The following CSMD1 variants were observed in gnomAD, a reference collection of about 807,000 sequenced individuals.
CSMD1 encodes CUB and sushi domain-containing protein 1.
A neutral mutation model predicts 417.5 loss-of-function variants in CSMD1; 213 were observed. That is an observed-to-expected ratio of 0.51 (90% confidence interval 0.46 to 0.57). The LOEUF (loss-of-function observed/expected upper bound fraction) is 0.57. CSMD1 is among the 20% of genes least tolerant of loss of function. CSMD1 has a pLI of 0.00. For missense variants in CSMD1, 6,923 were observed against 4,529.7 expected, an observed-to-expected ratio of 1.53 and a Z score of -15.17; for synonymous variants, 2,862 against 1,736.8, an observed-to-expected ratio of 1.65 and a Z score of -16.11.
At chr8:3,218,086 G>A (rs1201646480) in intron 29 of CSMD1, among the ~76,000 whole-genome samples, 4 of 152,096 alleles carry the variant, frequency 2.6e-5, no homozygotes, top group South Asian at 2.1e-4. Context: ...GGTTTTTCAG[G>A]TCAGTCTGTT....
chr8:3,694,818 C>T (rs764709162), intron 7 of CSMD1, among the ~76,000 whole-genome samples: 2 of 151,828 alleles, frequency 1.3e-5, no homozygotes, highest in African/African-American at 2.4e-5. Flanking sequence ...GCCAGGGGAA[C>T]GCGGCAAGGA....
At chr8:4,183,165 G>C (rs934740440) in intron 3 of CSMD1, among the ~76,000 whole-genome samples, 1 of 152,082 alleles carries the variant, frequency 6.6e-6, no homozygotes, top group African/African-American at 2.4e-5. Context: ...ATGCGTAAGT[G>C]CAGTATAGCC....
chr8:4,329,403 C>G (rs113255330), intron 3 of CSMD1, among the ~76,000 whole-genome samples: 1 of 152,154 alleles, frequency 6.6e-6, no homozygotes, highest in East Asian at 1.9e-4. Flanking sequence ...ATTCTCCCAC[C>G]GCAGCCTCCC....
At chr8:3,541,418 C>G (rs10102179) in intron 10 of CSMD1, among the ~76,000 whole-genome samples, 2 of 151,942 alleles carry the variant, frequency 1.3e-5, no homozygotes, top group Non-Finnish European at 2.9e-5. Flanking sequence ...ATAGCTAATA[C>G]GTGTGGGGCT....
In CSMD1 at chr8:4,938,734, G is replaced by C. The variant is rs78370883; in HGVS notation, c.85+55598C>G. On this transcript the variant is annotated intron_variant, in intron 1 of 69. Coordinates refer to ENST00000635120, the MANE Select transcript of CSMD1 (RefSeq NM_033225.6). Reference sequence around the variant, plus strand: ...TCATGATAAATTCGATCTGAAATCTGAGAATGGGAAGGTTAAAAAGTGTGT... The same window carrying C: ...TCATGATAAATTCGATCTGAAATCTCAGAATGGGAAGGTTAAAAAGTGTGT... 1.8e-3 allele frequency among the ~76,000 whole-genome samples: 275 copies of C among 152,352 alleles called. 5 individuals carry two copies. In the East Asian group the frequency reaches 0.046, roughly 26 times the overall value.
At chr8:3,588,508 C>A (rs1411077196) in intron 8 of CSMD1, among the ~76,000 whole-genome samples, 2 of 151,988 alleles carry the variant, frequency 1.3e-5, no homozygotes, top group African/African-American at 4.8e-5. Flanking sequence ...AGCATTGCTT[C>A]AACTTAGCAA....
intron 2 of CSMD1, among the ~76,000 whole-genome samples, chr8:4,459,730 G>C (rs1457949270): frequency 6.6e-6 from 1 of 152,146 alleles, no homozygotes; most frequent in Non-Finnish European, 1.5e-5. Context: ...GAAGCAATCA[G>C]GTGGAAATTT....
At chr8:4,386,899 T>C (rs138895976) in intron 3 of CSMD1, among the ~76,000 whole-genome samples, 44 of 152,338 alleles carry the variant, frequency 2.9e-4, no homozygotes, top group African/African-American at 8.4e-4. Context: ...GTATCATGAA[T>C]AGTTAAAAGG....
chr8:4,562,482 T>A (rs905253954), intron 2 of CSMD1, among the ~76,000 whole-genome samples: 1 of 152,174 alleles, frequency 6.6e-6, no homozygotes, highest in East Asian at 1.9e-4. Flanking sequence ...TCATTAGAAA[T>A]CTTATCAGTC....
At position 4,959,902 on chromosome 8, in the gene CSMD1, C is replaced by T. The variant is rs143722802; in HGVS notation, c.85+34430G>A. Among the ~76,000 whole-genome samples the T allele has an allele frequency of 5.5e-3, 835 of 152,256 alleles. 7 individuals are homozygous for T. Among genetic ancestry groups the T allele is most frequent in the African/African-American group, 0.019 (803 of 41,546 alleles). ...AACTCCCTCATTAGAATTGCAACAA[C>T]AATCTTCCCTATTTTCTGCTCTACA... On this transcript the variant is annotated intron_variant, in intron 1 of 69. Transcript: ENST00000635120.
chr8:4,532,237 G>T (rs113158979), intron 2 of CSMD1, among the ~76,000 whole-genome samples: 2 of 147,312 alleles, frequency 1.4e-5, no homozygotes, highest in African/African-American at 2.5e-5. Context: ...CACTCCGGAA[G>T]AGAAATCCTG....
At chr8:3,916,108 A>G (rs1163406106) in intron 5 of CSMD1, among the ~76,000 whole-genome samples, 1 of 152,040 alleles carries the variant, frequency 6.6e-6, no homozygotes, top group Non-Finnish European at 1.5e-5. Flanking sequence ...ATTCTGTCAA[A>G]AAAGATAACA....
chr8:4,919,137 G>A (rs1158719199), intron 1 of CSMD1, among the ~76,000 whole-genome samples: 1 of 152,150 alleles, frequency 6.6e-6, no homozygotes, highest in Non-Finnish European at 1.5e-5. Flanking sequence ...AGTTAGAATG[G>A]AAACATACTC....
chr8:4,711,413 G>C (rs749697628), intron 1 of CSMD1, among the ~76,000 whole-genome samples: 23 of 152,060 alleles, frequency 1.5e-4, no homozygotes, highest in Admixed American at 1.3e-3. Flanking sequence ...ATTCTCAGAA[G>C]ACAAATTGTT....
chr8:4,255,338 A>C (rs1392844012), intron 3 of CSMD1, among the ~76,000 whole-genome samples: 2 of 152,244 alleles, frequency 1.3e-5, no homozygotes, highest in African/African-American at 2.4e-5. Flanking sequence ...TAATATCTGC[A>C]GTCATTGTTC....
At chr8:4,302,088 G>A (rs182709772) in intron 3 of CSMD1, among the ~76,000 whole-genome samples, 2 of 152,132 alleles carry the variant, frequency 1.3e-5, no homozygotes, top group Non-Finnish European at 2.9e-5. Flanking sequence ...AAGACCCCTT[G>A]TATAGTTCAT....
At chr8:4,727,868 C>G (rs1809562495) in intron 1 of CSMD1, among the ~76,000 whole-genome samples, 1 of 147,170 alleles carries the variant, frequency 6.8e-6, no homozygotes, top group Non-Finnish European at 1.5e-5. Context: ...ATATATTTAG[C>G]TTATATCACC....
At chr8:4,119,731 C>G (rs1464389572) in intron 3 of CSMD1, among the ~76,000 whole-genome samples, 2 of 152,190 alleles carry the variant, frequency 1.3e-5, no homozygotes. Flanking sequence ...AACTTCCAGC[C>G]TCCAAACAGT....
chr8:4,622,133 A>G (rs892418043), intron 2 of CSMD1, among the ~76,000 whole-genome samples: 2 of 151,736 alleles, frequency 1.3e-5, no homozygotes, highest in East Asian at 3.9e-4. Context: ...AGAACGATTA[A>G]TTTATAGAAG....
Sources: allele counts gnomAD v4.1 joint callset (sites outside exome capture counted in the v4.1 genomes callset), GRCh38; gene constraint gnomAD v4.1.1; transcripts MANE v1.5; gene names NCBI Gene and HGNC (gene_info 2026-07-23, HGNC 2026-07-21).